The following AFF3 variants were observed in gnomAD, a reference collection of about 807,000 sequenced individuals.
AFF3 encodes ALF transcription elongation factor 3.
AFF3 carries 32 observed loss-of-function variants against 129.7 expected under a neutral mutation model. The ratio of observed to expected loss-of-function variants is 0.25; its 90% CI spans 0.19 to 0.33. The LOEUF is 0.33. Ranked by LOEUF, AFF3 falls within the 10% of genes least tolerant of loss-of-function variation. AFF3 has a pLI of 1.00. For missense variants in AFF3, 1,373 were observed against 1,592.0 expected (o/e 0.86, Z 2.34); for synonymous variants, 644 against 635.4 (o/e 1.01, Z -0.20).
chr2:100,099,722 A>G (rs1399019534), intron 4 of AFF3, among the ~76,000 whole-genome samples: 1 of 152,246 alleles, frequency 6.6e-6, no homozygotes, highest in Non-Finnish European at 1.5e-5. Flanking sequence ...CCCAAAAAAC[A>G]CACTGTCCTT....
chr2:100,074,464 C>T (rs1003265999), intron 4 of AFF3, among the ~76,000 whole-genome samples: 2 of 152,210 alleles, frequency 1.3e-5, no homozygotes, highest in Non-Finnish European at 2.9e-5. Context: ...AATATGCTTG[C>T]ACTTACGTAT....
At chr2:99,619,690 C>T (rs1479579663) in intron 13 of AFF3, among the ~76,000 whole-genome samples, 1 of 152,194 alleles carries the variant, frequency 6.6e-6, no homozygotes, top group Non-Finnish European at 1.5e-5. Flanking sequence ...TCTGTCTTTC[C>T]TTACTGACAC....
chr2:99,991,419 A>T (rs1477113787), intron 7 of AFF3, among the ~76,000 whole-genome samples: 1 of 152,180 alleles, frequency 6.6e-6, no homozygotes, highest in African/African-American at 2.4e-5. Flanking sequence ...TCCTCTCGAT[A>T]AAACAGCAGA....
intron 7 of AFF3, among the ~76,000 whole-genome samples, chr2:99,960,406 G>C (rs1677103983): frequency 6.6e-6 from 1 of 151,568 alleles, no homozygotes; most frequent in South Asian, 2.1e-4. Flanking sequence ...AAAAAGTACC[G>C]TAGTCATTCT....
At chr2:99,799,320 A>C (rs1051810993) in intron 8 of AFF3, among the ~76,000 whole-genome samples, 8 of 152,002 alleles carry the variant, frequency 5.3e-5, no homozygotes, top group African/African-American at 1.7e-4. Flanking sequence ...GAGAGAAAAG[A>C]ATAGTGAAAA....
intron 11 of AFF3, 150 bp downstream of exon 11, chr2:99,726,927 C>A: frequency 1.4e-6 from 1 of 713,896 alleles, no homozygotes; most frequent in Non-Finnish European, 2.2e-6. Flanking sequence ...CATCTGCACC[C>A]AAAGCATTTA....
intron 7 of AFF3, among the ~76,000 whole-genome samples, chr2:99,863,076 T>C (rs1410961374): frequency 6.6e-6 from 1 of 152,266 alleles, no homozygotes; most frequent in Non-Finnish European, 1.5e-5. Context: ...TTCATCCTTC[T>C]AGACAGCTGC....
chr2:99,799,613 T>C (rs1434914883), intron 8 of AFF3, among the ~76,000 whole-genome samples: 1 of 152,052 alleles, frequency 6.6e-6, no homozygotes, highest in Non-Finnish European at 1.5e-5. Flanking sequence ...GTGTGGAAAT[T>C]GACAAGTTGG....
At chr2:100,017,467 C>T (rs1683229022) in intron 4 of AFF3, among the ~76,000 whole-genome samples, 1 of 152,208 alleles carries the variant, frequency 6.6e-6, no homozygotes. Context: ...CTGACCTGTT[C>T]TACCAGAGCA....
At chr2:99,650,796 ATGTGTGTGTGTGTGTGTG>A (rs142082185) in intron 12 of AFF3, among the ~76,000 whole-genome samples, 2 of 144,756 alleles carry the variant, frequency 1.4e-5, no homozygotes, top group Non-Finnish European at 3.0e-5. Context: ...ACTAAAATTA[ATGTGTGTGTGTGTGTGTG>A]TGTGTGTGTG....
In AFF3 at chr2:100,093,068, T is replaced by C. The variant is rs147615527; in HGVS notation, c.53+11334A>G. 3.2e-3 allele frequency among the ~76,000 whole-genome samples: 489 copies of C among 152,318 alleles called. 4 individuals are homozygous for C. Among genetic ancestry groups the C allele is most frequent in the African/African-American group, 0.011 (470 of 41,552 alleles). ...TCAAGCCCTCTATACTGTAGACGGA[T>C]TGCGTTACATTATTATATATTTTAG... On this transcript the variant is annotated intron_variant, in intron 4 of 24. Coordinates refer to ENST00000672756, the MANE Select transcript of AFF3 (RefSeq NM_001386135.1).
intron 8 of AFF3, among the ~76,000 whole-genome samples, chr2:99,818,033 A>T (rs1687378122): frequency 6.6e-6 from 1 of 152,224 alleles, no homozygotes; most frequent in Non-Finnish European, 1.5e-5. Context: ...TTTTATAGCA[A>T]TAACTCAAGG....
chr2:100,007,705 T>C (rs1682104489), intron 5 of AFF3: 1 of 499,636 alleles, frequency 2.0e-6, no homozygotes, highest in Admixed American at 3.5e-5. Context: ...GCGCGGTGGC[T>C]GGCTCATGCC....
chr2:100,012,933 C>T (rs902218821), intron 4 of AFF3, among the ~76,000 whole-genome samples: 1 of 152,146 alleles, frequency 6.6e-6, no homozygotes, highest in Admixed American at 6.5e-5. Flanking sequence ...AATCACATTC[C>T]TCAAATGTAT....
rs555517244 is a variant in AFF3, at chr2:99,705,359, T to C, written c.1091+21718A>G. On this transcript the variant is annotated intron_variant, in intron 11 of 24. Transcript: ENST00000672756. Reference sequence around the variant, plus strand: ...TATAAGCCTGAGTAGGAAGAACAATTAAGAAAACAACAAGAGAGGGGCTGG... The same window carrying C: ...TATAAGCCTGAGTAGGAAGAACAATCAAGAAAACAACAAGAGAGGGGCTGG... Among the ~76,000 whole-genome samples, 145 of 151,870 alleles carry C rather than the reference T, an allele frequency of 9.5e-4. 1 individual carries two copies. Among genetic ancestry groups the C allele is most frequent in the Middle Eastern group, 3.4e-3 (1 of 294 alleles).
intron 12 of AFF3, among the ~76,000 whole-genome samples, chr2:99,672,178 T>TCACACACACA (rs1177303721): frequency 3.5e-5 from 2 of 56,358 alleles, no homozygotes; most frequent in Admixed American, 1.9e-4. Context: ...AGTTAGCTTC[T>TCACACACACA]CACACACACA....
Position 99,657,242 on chromosome 2 carries a change from CTCTG to C in AFF3, c.1144-7580_1144-7577del, listed in dbSNP as rs557765200. 7.9e-5 allele frequency among the ~76,000 whole-genome samples: 12 copies of C among 152,272 alleles called. No individual in the cohort carries two copies. The East Asian group carries it at 2.1e-3, about 27-fold the overall frequency. On this transcript the variant is annotated intron_variant, in intron 12 of 24. Transcript: ENST00000672756. The stretch of plus-strand genomic sequence containing the variant: ...CTGATGCTTGTGTGATTTTCTGGCT[CTCTG>C]TCTATCAGCTCCTCCCTCTGTTCAC...
intron 8 of AFF3, among the ~76,000 whole-genome samples, chr2:99,835,071 G>C (rs1688762221): frequency 6.6e-6 from 1 of 151,868 alleles, no homozygotes; most frequent in Non-Finnish European, 1.5e-5. Context: ...CGCAAACCAG[G>C]ATCTTCCCTA....
intron 8 of AFF3, among the ~76,000 whole-genome samples, chr2:99,814,251 C>CCAT (rs1478490941): frequency 6.6e-6 from 1 of 151,738 alleles, no homozygotes; most frequent in Non-Finnish European, 1.5e-5. Flanking sequence ...ACCACCACCA[C>CCAT]CACCACCCTC....
Sources: gnomAD v4.1 joint callset for allele counts (sites outside exome capture counted in the v4.1 genomes callset) on GRCh38, gnomAD v4.1.1 for gene constraint, MANE v1.5 for transcripts, NCBI Gene and HGNC (gene_info 2026-07-23, HGNC 2026-07-21) for gene names.